RUSC1: variants seen among roughly 807,000 people sequenced by gnomAD.
RUSC1 encodes AP-4 complex accessory subunit RUSC1.
A neutral mutation model predicts 72.1 loss-of-function variants in RUSC1; 40 were observed. The observed-to-expected ratio is 0.55, with a 90% CI of 0.43 to 0.72. The LOEUF is 0.72. Ranked by LOEUF, RUSC1 falls within the 30% of genes least tolerant of loss-of-function variation. The pLI is 0.00. For missense variants in RUSC1, 1,092 were observed against 1,172.3 expected (o/e 0.93, Z 1.00); for synonymous variants, 512 against 494.2 (o/e 1.04, Z -0.48).
Position 155,322,730 on chromosome 1 carries a change from G to A in RUSC1, c.957G>A (p.Leu319=), listed in dbSNP as rs778592497. Residue 319 remains leucine (L), a synonymous_variant, in exon 2 of 10, where the codon CTG becomes CTA. Coordinates refer to ENST00000368352, the MANE Select transcript of RUSC1 (RefSeq NM_001105203.2). Reference sequence around the variant, plus strand: ...GGACAATCACGTCCTTCCACGAGCTGGCCCAGAAGCGCAAGCGGGGCCCAG... The same window carrying A: ...GGACAATCACGTCCTTCCACGAGCTAGCCCAGAAGCGCAAGCGGGGCCCAG... ...PHRTITSFHE[L]AQKRKRGPGL... 1 of 1,614,204 alleles carries A rather than the reference G, an allele frequency of 6.2e-7. No homozygotes were observed. The highest frequency in any genetic ancestry group is 8.5e-7 in the Non-Finnish European group (1 of 1,180,026).
chr1:155,328,307 G>C (rs182256473), intron 9 of RUSC1, 32 bp downstream of exon 9: 1 of 1,575,732 alleles, frequency 6.3e-7, no homozygotes, highest in Non-Finnish European at 8.6e-7. Context: ...GCACTAGTGT[G>C]TAACCATGTA....
In RUSC1 at chr1:155,325,664, C is replaced by T; in HGVS notation, c.1806C>T (p.Gly602=). The part of the protein sequence containing the change: ...SRSRFHAFIL[G]LLNTKQLELW... ...GCCGCTTCCATGCCTTTATCCTGGG[C>T]CTCCTCAAGTGAGTTGCCTTCTTTC... is the stretch of plus-strand genomic sequence containing the variant. The change falls in exon 6 of 10, where the codon GGC becomes GGT. Residue 602 remains glycine (G), a synonymous_variant. Coordinates refer to ENST00000368352, the MANE Select transcript of RUSC1 (RefSeq NM_001105203.2). The surrounding 1 kb of genome is among the most constrained non-coding windows in gnomAD (Gnocchi z 6.5). 1.9e-6 allele frequency: 3 copies of T among 1,613,820 alleles called. No homozygotes were observed. The highest frequency in any genetic ancestry group is 2.5e-6 in the Non-Finnish European group (3 of 1,179,954).
chr1:155,321,593 A>G (rs1650518658), intron 1 of RUSC1, 95 bp from the exon 2 acceptor site: 4 of 1,257,162 alleles, frequency 3.2e-6, no homozygotes, highest in Non-Finnish European at 4.5e-6. Flanking sequence ...AAGCAGCCAG[A>G]GCCTTCAGGC....
In RUSC1 at chr1:155,325,266, G is replaced by A; in HGVS notation, c.1534-50G>A. 1 of 1,607,668 alleles carries A rather than the reference G, an allele frequency of 6.2e-7. No individual in the cohort carries two copies. Among genetic ancestry groups the A allele is most frequent in the Non-Finnish European group, 8.5e-7 (1 of 1,179,550 alleles). On this transcript the variant is annotated intron_variant, in intron 4 of 9. Transcript: ENST00000368352. The surrounding 1 kb of genome is among the most constrained non-coding windows in gnomAD (Gnocchi z 6.5). ...GGGAATGGTTGGCGGGAGGTGGCTG[G>A]GAGGTGTCTGGAGGGATCTCTGGAG... is the stretch of plus-strand genomic sequence containing the variant.
At position 155,324,895 on chromosome 1, in the gene RUSC1, A is replaced by G. The variant is rs1651131468; in HGVS notation, c.1408A>G (p.Met470Val). The change falls in exon 3 of 10, where the codon ATG becomes GTG. Residue 470 changes from methionine (M) to valine (V), a missense_variant. Coordinates refer to ENST00000368352, the MANE Select transcript of RUSC1 (RefSeq NM_001105203.2). Reference protein sequence around the residue: ...AGVPGAQRLWMAEAQSGTGQL... With the variant: ...AGVPGAQRLWVAEAQSGTGQL... ...TGTCCCCGGAGCCCAGCGGCTGTGG[A>G]TGGCAGAAGCCCAGAGTGGGACTGG... The G allele has an allele frequency of 6.2e-7, 1 of 1,614,060 alleles. No individual in the cohort carries two copies. Among genetic ancestry groups the G allele is most frequent in the African/African-American group, 1.3e-5 (1 of 74,932 alleles).
Position 155,322,409 on chromosome 1 carries a change from C to G in RUSC1, c.636C>G (p.Leu212=). 6.2e-7 allele frequency: 1 copy of G among 1,614,152 alleles called. No individual in the cohort carries two copies. ...RAEQDLPTSE[L]LEADDGKIDA... Reference sequence around the variant, plus strand: ...AGCAGGATCTCCCTACCTCTGAGCTCTTAGAGGCGGATGATGGGAAAATCG... The same window carrying G: ...AGCAGGATCTCCCTACCTCTGAGCTGTTAGAGGCGGATGATGGGAAAATCG... Residue 212 remains leucine (L), a synonymous_variant, in exon 2 of 10, where the codon CTC becomes CTG. Transcript: ENST00000368352.
At position 155,330,651 on chromosome 1, in the gene RUSC1, A is replaced by G. The variant is rs921440095; in HGVS notation, c.*80A>G. 1 of 1,347,668 alleles carries G rather than the reference A, an allele frequency of 7.4e-7. No individual in the cohort carries two copies. Among genetic ancestry groups the G allele is most frequent in the African/African-American group, 1.5e-5 (1 of 67,008 alleles). The allele number at this position is 1,347,668 out of a possible 1,614,324, so 83.5% of individuals were successfully genotyped here. A position where few individuals can be genotyped will look rare whatever the true frequency, so the allele number is the denominator to read the frequency against. ...GGCCAGTGAACACCATCCCAGAAGC[A>G]TTTTCCCTCTGCAAAATGACGTTTC... On this transcript the variant is annotated 3_prime_UTR_variant, in exon 10 of 10. Transcript: ENST00000368352.
chr1:155,329,385 T>C (rs9427215), intron 9 of RUSC1, among the ~76,000 whole-genome samples: 135,068 of 149,372 alleles, frequency 0.9, 61,489 homozygotes, highest in East Asian at 1. Context: ...TACACCTGGC[T>C]ACTAAACTTT....
In RUSC1 at chr1:155,325,978, C is replaced by T; in HGVS notation, c.1861+68C>T. 2.0e-6 allele frequency: 3 copies of T among 1,486,476 alleles called. No individual in the cohort carries two copies. Among genetic ancestry groups the T allele is most frequent in the Non-Finnish European group, 2.8e-6 (3 of 1,064,168 alleles). The allele number at this position is 1,486,476 out of a possible 1,614,324, so 92.1% of individuals were successfully genotyped here. A position where few individuals can be genotyped will look rare whatever the true frequency, so the allele number is the denominator to read the frequency against. On this transcript the variant is annotated intron_variant, in intron 7 of 9. Transcript: ENST00000368352. This position sits in a 1 kb window ranked among gnomAD's most constrained non-coding sequence, Gnocchi z 6.5. ...AGGATGGGAAGGAAAGAGTTCTCTCCTGCTGGTTCCCACTGCTGCCAGAAT... is the reference window on the plus strand; with the variant it reads ...AGGATGGGAAGGAAAGAGTTCTCTCTTGCTGGTTCCCACTGCTGCCAGAAT...
At chr1:155,324,761 C>T (rs535787537) in intron 2 of RUSC1, 84 bp from the exon 3 acceptor site, 7 of 1,606,808 alleles carry the variant, frequency 4.4e-6, no homozygotes, top group Non-Finnish European at 6.0e-6. Context: ...ACTGCAGACC[C>T]GCCGGAGACA....
Position 155,326,631 on chromosome 1 carries a change from G to C in RUSC1, c.1913G>C (p.Gly638Ala), listed in dbSNP as rs757599433. 3.1e-6 allele frequency: 5 copies of C among 1,614,036 alleles called. No individual in the cohort carries two copies. The South Asian group carries it at 5.5e-5, about 18-fold the overall frequency. Residue 638 changes from glycine (G) to alanine (A), a missense_variant, in exon 8 of 10, where the codon GGT becomes GCT. Transcript: ENST00000368352. The surrounding 1 kb of genome is among the most constrained non-coding windows in gnomAD (Gnocchi z 4.7). ...ACAGGATTTTTCTCCCTGGCCCGCGGTGGTTGTCCCTCCCTGTCCACAGAG... is the reference window on the plus strand; with the variant it reads ...ACAGGATTTTTCTCCCTGGCCCGCGCTGGTTGTCCCTCCCTGTCCACAGAG... ...LPTGFFSLAR[G>A]GCPSLSTELL... is the part of the protein sequence containing the mutation.
At chr1:155,324,787 C>G in intron 2 of RUSC1, 58 bp from the exon 3 acceptor site, 2 of 1,611,974 alleles carry the variant, frequency 1.2e-6, no homozygotes, top group East Asian at 2.2e-5. Flanking sequence ...TGCGGGAGCC[C>G]GGAGTCCTCG....
chr1:155,329,027 C>T (rs568580264), intron 9 of RUSC1, among the ~76,000 whole-genome samples: 1 of 152,280 alleles, frequency 6.6e-6, no homozygotes, highest in Admixed American at 6.5e-5. Context: ...CTACTGCACC[C>T]GGCCAGGATT....
At chr1:155,328,819 T>C (rs1474085627) in intron 9 of RUSC1, among the ~76,000 whole-genome samples, 4 of 152,116 alleles carry the variant, frequency 2.6e-5, no homozygotes, top group Non-Finnish European at 4.4e-5. Flanking sequence ...GGGATGGTCT[T>C]GATCTCCTGA....
In RUSC1 at chr1:155,326,292, C is replaced by T. The variant is rs541197010; in HGVS notation, c.1862-288C>T. 1.0e-4 allele frequency: 58 copies of T among 552,486 alleles called. No individual in the cohort carries two copies. The highest frequency in any genetic ancestry group is 9.0e-4 in the African/African-American group (48 of 53,272). 34.2% of individuals were successfully genotyped at this position (552,486 alleles called of 1,614,324 possible). On this transcript the variant is annotated intron_variant, in intron 7 of 9. Coordinates refer to ENST00000368352, the MANE Select transcript of RUSC1 (RefSeq NM_001105203.2). This position sits in a 1 kb window ranked among gnomAD's most constrained non-coding sequence, Gnocchi z 4.7. ...TCTACCCTCGGACTAGGCCAACCCC[C>T]ACGCCTCATTTTGTATGTGCTTCTA...
chr1:155,330,577 G>A lies in RUSC1; in HGVS notation c.*6G>A, dbSNP rs1417402247. On this transcript the variant is annotated 3_prime_UTR_variant, in exon 10 of 10. Coordinates refer to ENST00000368352, the MANE Select transcript of RUSC1 (RefSeq NM_001105203.2). The stretch of plus-strand genomic sequence containing the variant: ...ATACCTCCCTTGTTCTGTAGCCCTG[G>A]GACCCTTTCCTGCGTATGTGTCTCC... 1 of 1,571,258 alleles carries A rather than the reference G, an allele frequency of 6.4e-7. No homozygotes were observed. Among genetic ancestry groups the A allele is most frequent in the South Asian group, 1.2e-5 (1 of 84,796 alleles).
chr1:155,322,978 C>A lies in RUSC1; in HGVS notation c.1205C>A (p.Pro402Gln). The change falls in exon 2 of 10, where the codon CCA becomes CAA. Residue 402 changes from proline to glutamine, a missense_variant. Pro to Gln is a moderately conservative substitution (Grantham distance 76). Coordinates refer to ENST00000368352, the MANE Select transcript of RUSC1 (RefSeq NM_001105203.2). ...TGGGCTTTGGTCCCGCCCCGGCCCCCACCCCCGCCTGTCCCTCCCCGAAGG... is the reference window on the plus strand; with the variant it reads ...TGGGCTTTGGTCCCGCCCCGGCCCCAACCCCCGCCTGTCCCTCCCCGAAGG... ...VGWALVPPRP[P>Q]PPPVPPRRKK... 1 of 1,515,176 alleles carries A rather than the reference C, an allele frequency of 6.6e-7. No homozygotes were observed. The allele number at this position is 1,515,176 out of a possible 1,614,324, so 93.9% of individuals were successfully genotyped here. A position where few individuals can be genotyped will look rare whatever the true frequency, so the allele number is the denominator to read the frequency against.
Position 155,325,447 on chromosome 1 carries a change from C to T in RUSC1, c.1665C>T (p.Arg555=). 6.3e-7 allele frequency: 1 copy of T among 1,593,110 alleles called. No individual in the cohort carries two copies. The change falls in exon 5 of 10, where the codon CGC becomes CGT. Residue 555 remains arginine (R), a synonymous_variant. Coordinates refer to ENST00000368352, the MANE Select transcript of RUSC1 (RefSeq NM_001105203.2). The surrounding 1 kb of genome is among the most constrained non-coding windows in gnomAD (Gnocchi z 6.5). ...GGAAGGACCTCATCACCGGGCAGCG[C>T]AGGAGCAGCCCCTGGAGCGTGGTGG... ...PFRKDLITGQ[R]RSSPWSVVEA...
At chr1:155,324,621 A>G in intron 2 of RUSC1, 1 of 1,525,026 alleles carries the variant, frequency 6.6e-7, no homozygotes, top group Non-Finnish European at 8.7e-7. Flanking sequence ...GGCACAGGGA[A>G]CCGGGATGGG....
Sources: gnomAD v4.1 joint callset for allele counts (sites outside exome capture counted in the v4.1 genomes callset) on GRCh38, gnomAD v4.1.1 for gene constraint, Gnocchi (gnomAD v3.1) non-coding constraint, MANE v1.5 for transcripts, NCBI Gene and HGNC (gene_info 2026-07-23, HGNC 2026-07-21) for gene names.